Variants in LY86 observed in about 807,000 individuals in gnomAD.
The protein encoded by LY86 is MD-1, RP105-associated.
LY86 carries 20 observed loss-of-function variants against 17.3 expected under a neutral mutation model. That is an observed-to-expected ratio of 1.15 (90% confidence interval 0.81 to 1.68). The LOEUF (loss-of-function observed/expected upper bound fraction) is 1.68. Ranked by LOEUF, LY86 falls within the 40% of genes most tolerant of loss-of-function variation. LY86 has a pLI of 0.00. For synonymous variants in LY86, 74 were observed against 70.6 expected, an observed-to-expected ratio of 1.05 and a Z score of -0.24; for missense variants, 200 against 191.9, an observed-to-expected ratio of 1.04 and a Z score of -0.25.
intron 1 of LY86, among the ~76,000 whole-genome samples, chr6:6,607,418 G>C (rs1361837251): frequency 1.3e-5 from 2 of 152,070 alleles, no homozygotes; most frequent in Non-Finnish European, 2.9e-5. Context: ...TAAGATATTC[G>C]TGTTAAATTT....
intron 1 of LY86, among the ~76,000 whole-genome samples, chr6:6,612,247 A>T (rs1236438746): frequency 6.6e-6 from 1 of 152,158 alleles, no homozygotes; most frequent in Non-Finnish European, 1.5e-5. Context: ...TCCAGAGTTT[A>T]TTCCTTCTGA....
chr6:6,605,286 T>C (rs949218741), intron 1 of LY86, among the ~76,000 whole-genome samples: 6 of 152,252 alleles, frequency 3.9e-5, no homozygotes, highest in African/African-American at 1.4e-4. Flanking sequence ...TCACAGTTTT[T>C]TTCCTCTGGG....
intron 3 of LY86, among the ~76,000 whole-genome samples, chr6:6,630,029 A>G: frequency 6.6e-6 from 1 of 152,268 alleles, no homozygotes; most frequent in East Asian, 1.9e-4. Context: ...GTGTAAGTGT[A>G]TACACAAAAA....
intron 3 of LY86, among the ~76,000 whole-genome samples, chr6:6,646,109 G>C (rs923383968): frequency 2.0e-5 from 3 of 152,092 alleles, no homozygotes; most frequent in Non-Finnish European, 4.4e-5. Context: ...CAATGCAAGG[G>C]GTGCATCCTC....
chr6:6,606,111 T>C lies in LY86; in HGVS notation c.136+17241T>C, dbSNP rs140998955. Among the ~76,000 whole-genome samples the C allele has an allele frequency of 3.3e-3, 503 of 152,256 alleles. 1 individual carries two copies. Among genetic ancestry groups the C allele is most frequent in the African/African-American group, 0.012 (490 of 41,544 alleles). On this transcript the variant is annotated intron_variant, in intron 1 of 4. Transcript: ENST00000230568. The stretch of plus-strand genomic sequence containing the variant: ...TCTGGCCCCACCCACATCCTGCTGA[T>C]TGGTCCATTTTACAGAGAAGGCCGA...
chr6:6,596,899 G>GA (rs1194110838), intron 1 of LY86, among the ~76,000 whole-genome samples: 2 of 152,152 alleles, frequency 1.3e-5, no homozygotes, highest in Admixed American at 6.5e-5. Flanking sequence ...CCTAGAGAGG[G>GA]AAAAAAGCCA....
intron 1 of LY86, among the ~76,000 whole-genome samples, chr6:6,602,756 C>T (rs886936651): frequency 6.6e-6 from 1 of 152,124 alleles, no homozygotes; most frequent in East Asian, 1.9e-4. Context: ...TATCAACTCC[C>T]ACCTGTTATT....
chr6:6,626,402 C>T lies in LY86; in HGVS notation c.333C>T (p.Phe111=). 6.2e-7 allele frequency: 1 copy of T among 1,613,858 alleles called. No homozygotes were observed. The highest frequency in any genetic ancestry group is 8.5e-7 in the Non-Finnish European group (1 of 1,179,966). The part of the protein sequence containing the change: ...ICEAALPKFS[F]CGRRKGEQIY... Reference sequence around the variant, plus strand: ...AGGCGGCTCTGCCCAAGTTTTCTTTCTGTGGAAGAAGGAAAGGAGGTAAGC... The same window carrying T: ...AGGCGGCTCTGCCCAAGTTTTCTTTTTGTGGAAGAAGGAAAGGAGGTAAGC... Residue 111 remains phenylalanine (F), a synonymous_variant, in exon 3 of 5, where the codon TTC becomes TTT. Transcript: ENST00000230568.
At chr6:6,606,505 G>A (rs1761154790) in intron 1 of LY86, among the ~76,000 whole-genome samples, 2 of 152,212 alleles carry the variant, frequency 1.3e-5, no homozygotes, top group African/African-American at 4.8e-5. Context: ...GATGGGACCG[G>A]GGCGCCGTGT....
intron 3 of LY86, among the ~76,000 whole-genome samples, chr6:6,649,319 G>T (rs1297812182): frequency 6.6e-6 from 1 of 152,266 alleles, no homozygotes; most frequent in Non-Finnish European, 1.5e-5. Flanking sequence ...AATTCAAGAT[G>T]AGATTTGAGT....
At chr6:6,590,683 C>T (rs922209129) in intron 1 of LY86, among the ~76,000 whole-genome samples, 1 of 152,160 alleles carries the variant, frequency 6.6e-6, no homozygotes, top group Non-Finnish European at 1.5e-5. Context: ...ATATCTGCCA[C>T]TTTGGAGGGA....
At chr6:6,629,013 CAGA>C (rs1274924056) in intron 3 of LY86, among the ~76,000 whole-genome samples, 1 of 152,196 alleles carries the variant, frequency 6.6e-6, no homozygotes, top group Non-Finnish European at 1.5e-5. Context: ...ATTGATAAAA[CAGA>C]AGAGAGATGG....
At chr6:6,637,705 C>T (rs955232561) in intron 3 of LY86, among the ~76,000 whole-genome samples, 1 of 151,988 alleles carries the variant, frequency 6.6e-6, no homozygotes, top group African/African-American at 2.4e-5. Context: ...GAGCCCGGAG[C>T]CCCCCAGTGT....
At chr6:6,611,357 C>T (rs189501438) in intron 1 of LY86, among the ~76,000 whole-genome samples, 1 of 152,334 alleles carries the variant, frequency 6.6e-6, no homozygotes, top group African/African-American at 2.4e-5. Flanking sequence ...TTTCCATAAA[C>T]CCTCTCTGCC....
At chr6:6,635,075 T>C (rs1157347989) in intron 3 of LY86, among the ~76,000 whole-genome samples, 1 of 152,214 alleles carries the variant, frequency 6.6e-6, no homozygotes, top group Non-Finnish European at 1.5e-5. Context: ...AGTTGTTTCA[T>C]GTTCACTGCA....
At chr6:6,604,676 A>T (rs1761039128) in intron 1 of LY86, among the ~76,000 whole-genome samples, 1 of 152,236 alleles carries the variant, frequency 6.6e-6, no homozygotes, top group South Asian at 2.1e-4. Context: ...TAAATGCAAT[A>T]ACTCTTCAAT....
intron 1 of LY86, among the ~76,000 whole-genome samples, chr6:6,617,896 A>G (rs1761591425): frequency 6.6e-6 from 1 of 152,180 alleles, no homozygotes; most frequent in Non-Finnish European, 1.5e-5. Flanking sequence ...GTTGGAGTGC[A>G]GTGGCGCGAT....
chr6:6,608,075 A>T (rs1761237835), intron 1 of LY86, among the ~76,000 whole-genome samples: 1 of 152,252 alleles, frequency 6.6e-6, no homozygotes, highest in Non-Finnish European at 1.5e-5. Context: ...TTAATGGTGA[A>T]ACATTGGAAA....
chr6:6,628,389 C>T lies in LY86; in HGVS notation c.352+1968C>T, dbSNP rs990981111. 2.6e-5 allele frequency among the ~76,000 whole-genome samples: 4 copies of T among 151,134 alleles called. No homozygotes were observed. The South Asian group carries it at 6.4e-4, about 24-fold the overall frequency. On this transcript the variant is annotated intron_variant, in intron 3 of 4. Transcript: ENST00000230568. ...TGCTCCACCCCCCTATACATACCTG[C>T]GGCATCAGCCTTAAGGGATCCTTTG...
Sources: gnomAD v4.1 joint callset for allele counts (sites outside exome capture counted in the v4.1 genomes callset) on GRCh38, gnomAD v4.1.1 for gene constraint, MANE v1.5 for transcripts, NCBI Gene and HGNC (gene_info 2026-07-23, HGNC 2026-07-21) for gene names.